CPE: variants seen among roughly 807,000 people sequenced by gnomAD.
CPE encodes the protein carboxypeptidase E.
CPE carries 17 observed loss-of-function variants against 53.5 expected under a neutral mutation model. The ratio of observed to expected loss-of-function variants is 0.32; its 90% CI spans 0.22 to 0.48. CPE has a LOEUF of 0.48. Among genes scored for constraint, CPE ranks in the 20% least tolerant of loss-of-function variants. CPE has a pLI of 0.99. For missense variants in CPE, 524 were observed against 614.7 expected (o/e 0.85, Z 1.56); for synonymous variants, 226 against 228.8 (o/e 0.99, Z 0.11).
At chr4:165,438,990 C>T (rs1442124005) in intron 1 of CPE, among the ~76,000 whole-genome samples, 1 of 152,152 alleles carries the variant, frequency 6.6e-6, no homozygotes, top group African/African-American at 2.4e-5. Context: ...CATATCTGTC[C>T]TGGTGTTTTA....
intron 1 of CPE, among the ~76,000 whole-genome samples, chr4:165,409,899 A>G (rs1422533706): frequency 6.6e-6 from 1 of 152,120 alleles, no homozygotes; most frequent in Non-Finnish European, 1.5e-5. Flanking sequence ...AGGTAGTTTT[A>G]TTCATAAACC....
intron 1 of CPE, among the ~76,000 whole-genome samples, chr4:165,385,561 G>A (rs1730578310): frequency 6.7e-6 from 1 of 149,080 alleles, no homozygotes; most frequent in African/African-American, 2.5e-5. Flanking sequence ...TCCCTCCTCA[G>A]CCTCTTGAAT....
At chr4:165,418,209 C>T (rs10471062) in intron 1 of CPE, 44,965 of 152,040 alleles carry the variant, frequency 0.3, 6,733 homozygotes, top group Middle Eastern at 0.39. Context: ...ACATTCAAGA[C>T]CCATTGGAAA....
At chr4:165,494,206 C>T (rs1041199049) in intron 7 of CPE, among the ~76,000 whole-genome samples, 5 of 152,220 alleles carry the variant, frequency 3.3e-5, no homozygotes, top group African/African-American at 9.6e-5. Context: ...GCCCCTTAGC[C>T]CTTAGCTGAG....
At chr4:165,405,636 T>C (rs2126664383) in intron 1 of CPE, 2 of 780,610 alleles carry the variant, frequency 2.6e-6, no homozygotes, top group Non-Finnish European at 2.3e-6. Flanking sequence ...GGAAAGTAAT[T>C]GCAACTTCTT....
chr4:165,409,530 G>A (rs934217745), intron 1 of CPE, among the ~76,000 whole-genome samples: 1 of 152,092 alleles, frequency 6.6e-6, no homozygotes, highest in African/African-American at 2.4e-5. Flanking sequence ...CCCACAGTCA[G>A]GTTCAGTGAA....
chr4:165,422,597 T>C (rs975100786), intron 1 of CPE, among the ~76,000 whole-genome samples: 2 of 152,092 alleles, frequency 1.3e-5, no homozygotes, highest in Non-Finnish European at 2.9e-5. Context: ...CCTTAGGAGG[T>C]CCTGATGACA....
chr4:165,389,035 C>G (rs1730640676), intron 1 of CPE, among the ~76,000 whole-genome samples: 1 of 152,064 alleles, frequency 6.6e-6, no homozygotes, highest in Non-Finnish European at 1.5e-5. Flanking sequence ...ATAGAGCTCA[C>G]ACAAAGAGAA....
intron 1 of CPE, among the ~76,000 whole-genome samples, chr4:165,452,425 C>A (rs895741236): frequency 4.6e-5 from 7 of 151,964 alleles, no homozygotes; most frequent in African/African-American, 1.7e-4. Context: ...TTATGTACAA[C>A]TATGATATAC....
chr4:165,412,391 C>T (rs766345100), intron 1 of CPE, among the ~76,000 whole-genome samples: 2 of 152,210 alleles, frequency 1.3e-5, no homozygotes, highest in African/African-American at 2.4e-5. Flanking sequence ...CATTAGTAAG[C>T]AAGTACTACA....
chr4:165,399,140 TCA>T, intron 1 of CPE, among the ~76,000 whole-genome samples: 1 of 152,336 alleles, frequency 6.6e-6, no homozygotes, highest in East Asian at 1.9e-4. Context: ...AACTGTTCTC[TCA>T]CATTATATGT....
chr4:165,395,455 G>C (rs1012212198), intron 1 of CPE, among the ~76,000 whole-genome samples: 2 of 152,138 alleles, frequency 1.3e-5, no homozygotes, highest in Non-Finnish European at 2.9e-5. Flanking sequence ...AAGGGTCAAT[G>C]CACAGTACTG....
intron 3 of CPE, among the ~76,000 whole-genome samples, chr4:165,480,360 T>C (rs1005673857): frequency 9.9e-5 from 15 of 152,236 alleles, no homozygotes; most frequent in African/African-American, 3.6e-4. Flanking sequence ...TTTGGTCAAG[T>C]CATTCAATTT....
chr4:165,447,580 A>G (rs979673383), intron 1 of CPE, among the ~76,000 whole-genome samples: 2 of 151,704 alleles, frequency 1.3e-5, no homozygotes, highest in African/African-American at 2.4e-5. Flanking sequence ...TTAAAAAAAA[A>G]AAAAGAAAAG....
chr4:165,495,494 A>C (rs902399657), intron 7 of CPE, 65 bp from the exon 8 acceptor site: 6 of 1,085,384 alleles, frequency 5.5e-6, no homozygotes, highest in Non-Finnish European at 8.3e-6. Flanking sequence ...AGATGGCATA[A>C]TTATGCATTG....
At chr4:165,445,280 C>CT (rs1466938214) in intron 1 of CPE, among the ~76,000 whole-genome samples, 10 of 139,094 alleles carry the variant, frequency 7.2e-5, no homozygotes, top group South Asian at 4.4e-4. Context: ...TTTATTTTCC[C>CT]TTTTTTTGTT....
intron 3 of CPE, among the ~76,000 whole-genome samples, chr4:165,468,205 C>A (rs1732142189): frequency 6.6e-6 from 1 of 152,166 alleles, no homozygotes; most frequent in African/African-American, 2.4e-5. Context: ...ACTTTCTCCT[C>A]CCTTGCTTTA....
chr4:165,482,436 A>G, intron 4 of CPE, 77 bp downstream of exon 4: 4 of 1,038,258 alleles, frequency 3.9e-6, no homozygotes, highest in Non-Finnish European at 5.7e-6. Context: ...GATTTCTGTA[A>G]TTTTTTTTAA....
intron 1 of CPE, among the ~76,000 whole-genome samples, chr4:165,409,466 A>G (rs894760553): frequency 2.0e-5 from 3 of 152,146 alleles, no homozygotes; most frequent in African/African-American, 7.2e-5. Flanking sequence ...AGACTCCCGA[A>G]GTGCTGGGAT....
Sources: allele counts gnomAD v4.1 joint callset (sites outside exome capture counted in the v4.1 genomes callset), GRCh38; gene constraint gnomAD v4.1.1; transcripts MANE v1.5; gene names NCBI Gene and HGNC (gene_info 2026-07-23, HGNC 2026-07-21).